The following MYL2 variants were observed in gnomAD, a reference collection of about 807,000 sequenced individuals.
MYL2 encodes myosin light chain 2.
MYL2 carries 19 observed loss-of-function variants against 23.0 expected under a neutral mutation model. That is an observed-to-expected ratio of 0.83 (90% CI 0.58 to 1.21). The LOEUF is 1.21. Among genes scored for constraint, MYL2 ranks in the 50% most tolerant of loss-of-function variants. MYL2 has a pLI of 0.00. For missense variants in MYL2, 180 were observed against 215.1 expected, an observed-to-expected ratio of 0.84 and a Z score of 1.02; for synonymous variants, 78 against 76.2, an observed-to-expected ratio of 1.02 and a Z score of -0.13.
intron 2 of MYL2, among the ~76,000 whole-genome samples, chr12:110,916,529 A>C (rs1331425629): frequency 2.0e-5 from 3 of 152,220 alleles, no homozygotes; most frequent in Non-Finnish European, 4.4e-5. Context: ...TACAACATGG[A>C]TGAGCCTTAA....
rs766036025 is a variant in MYL2, at chr12:110,911,124, A to G, written c.454T>C (p.Tyr152His). ...GTGATGATGTGCACCAGGTTCTTGTAGTCCAAGTTGCCAGTCACGTCAGGG... is the reference window on the plus strand; with the variant it reads ...GTGATGATGTGCACCAGGTTCTTGTGGTCCAAGTTGCCAGTCACGTCAGGG... The part of the protein sequence containing the change: ...FPPDVTGNLD[Y>H]KNLVHIITHG... Residue 152 changes from tyrosine (Y) to histidine (H), a missense_variant, in exon 7 of 7, where the codon TAC (tyrosine) becomes CAC (histidine). Coordinates refer to ENST00000228841, the MANE Select transcript of MYL2 (RefSeq NM_000432.4). 3 of 1,611,312 alleles carry G rather than the reference A, an allele frequency of 1.9e-6. No individual in the cohort carries two copies. In the South Asian group the frequency reaches 3.3e-5, roughly 18 times the overall value.
At chr12:110,912,052 A>T (rs915806542) in intron 6 of MYL2, among the ~76,000 whole-genome samples, 28 of 152,218 alleles carry the variant, frequency 1.8e-4, no homozygotes, top group African/African-American at 6.5e-4. Context: ...AGCACACAGC[A>T]GGTGGAAAGT....
chr12:110,915,454 T>C (rs997733555), intron 3 of MYL2, among the ~76,000 whole-genome samples: 3 of 152,188 alleles, frequency 2.0e-5, no homozygotes, highest in Non-Finnish European at 4.4e-5. Context: ...CTGCATTTTT[T>C]CCCCATTTTC....
Position 110,914,568 on chromosome 12 carries a change from G to A in MYL2, c.170-278C>T, listed in dbSNP as rs112008346. ...GGGTCTGGCTGTGTCACCCAGGCTGGAGTGTAGTGGTACAATCTCGACTCA... is the reference window on the plus strand; with the variant it reads ...GGGTCTGGCTGTGTCACCCAGGCTGAAGTGTAGTGGTACAATCTCGACTCA... On this transcript the variant is annotated intron_variant, in intron 3 of 6. Transcript: ENST00000228841. Among the ~76,000 whole-genome samples the A allele has an allele frequency of 6.2e-3, 949 of 152,260 alleles. 4 individuals carry two copies. The highest frequency in any genetic ancestry group is 9.7e-3 in the Non-Finnish European group (662 of 68,010).
chr12:110,915,212 G>A (rs543392116), intron 3 of MYL2, among the ~76,000 whole-genome samples: 50 of 152,326 alleles, frequency 3.3e-4, no homozygotes, highest in African/African-American at 1.2e-3. Context: ...GTAAGTGGTG[G>A]TGGCGGGTAG....
chr12:110,914,060 G>C, intron 4 of MYL2, 126 bp downstream of exon 4: 2 of 790,758 alleles, frequency 2.5e-6, no homozygotes, highest in Non-Finnish European at 4.3e-6. Flanking sequence ...GCCCAGCCAA[G>C]TTGCTGTTTT....
upstream of MYL2, chr12:110,920,843 C>A (rs2071719899): frequency 2.0e-6 from 1 of 512,040 alleles, no homozygotes; most frequent in Non-Finnish European, 3.5e-6. Context: ...GCCGGGGACA[C>A]TTGTGCTTGT....
rs112865045 is a variant in MYL2 at position 110,915,793 on chromosome 12, G to C, written c.94-3C>G. ...TTCTGGTCCATGATAGTGAAGGCCT[G>C]TGGAAGGGAAGTGATTGGCAGCTCA... On this transcript the variant is annotated splice_polypyrimidine_tract_variant and splice_region_variant and intron_variant, in intron 2 of 6. Transcript: ENST00000228841. 1 of 1,614,084 alleles carries C rather than the reference G, an allele frequency of 6.2e-7. No individual in the cohort carries two copies. Among genetic ancestry groups the C allele is most frequent in the African/African-American group, 1.3e-5 (1 of 75,066 alleles).
In MYL2 at chr12:110,913,150, GAGAA is replaced by G. The variant is rs2071665019; in HGVS notation, c.354-10_354-7del. ...TGGTCAGCATTTCCCGAACGCTGCA[GAGAA>G]AGGAAAGCAGGTGTTGGTGTCAGTT... On this transcript the variant is annotated splice_polypyrimidine_tract_variant and splice_region_variant and intron_variant, in intron 5 of 6. Coordinates refer to ENST00000228841, the MANE Select transcript of MYL2 (RefSeq NM_000432.4). 1 of 1,614,136 alleles carries G rather than the reference GAGAA, an allele frequency of 6.2e-7. No individual in the cohort carries two copies. The highest frequency in any genetic ancestry group is 8.5e-7 in the Non-Finnish European group (1 of 1,180,048).
At chr12:110,914,329 G>T (rs2071675329) in intron 3 of MYL2, 39 bp from the exon 4 acceptor site, 2 of 1,466,030 alleles carry the variant, frequency 1.4e-6, no homozygotes, top group Non-Finnish European at 1.9e-6. Context: ...TCCGAGCTGG[G>T]GAGAAAGAAC....
intron 4 of MYL2, 81 bp from the exon 5 acceptor site, chr12:110,913,405 C>G: frequency 6.8e-7 from 1 of 1,467,748 alleles, no homozygotes; most frequent in Non-Finnish European, 9.5e-7. Context: ...CCAAGTTCCC[C>G]CAGAGATGAA....
upstream of MYL2, chr12:110,920,775 GGCAGTA>G (rs1274326537): frequency 4.9e-5 from 30 of 608,282 alleles, no homozygotes; most frequent in Admixed American, 2.7e-5. Flanking sequence ...AGGTTAAAGA[GGCAGTA>G]GCTGGGTCAT....
Position 110,914,283 on chromosome 12 carries a change from C to T in MYL2, c.177G>A (p.Val59=). ...CATCAATTTCTTCATTTTTCACGTTCACTCGCCCTAGGGTAGGAAACACAC... is the reference window on the plus strand; with the variant it reads ...CATCAATTTCTTCATTTTTCACGTTTACTCGCCCTAGGGTAGGAAACACAC... ...LRDTFAALGR[V]NVKNEEIDEM... is the part of the protein sequence containing the mutation. Residue 59 remains valine (V), a synonymous_variant, in exon 4 of 7, where the codon GTG becomes GTA. Coordinates refer to ENST00000228841, the MANE Select transcript of MYL2 (RefSeq NM_000432.4). 1 of 1,613,740 alleles carries T rather than the reference C, an allele frequency of 6.2e-7. No homozygotes were observed. Among genetic ancestry groups the T allele is most frequent in the East Asian group, 2.2e-5 (1 of 44,882 alleles).
intron 1 of MYL2, 48 bp downstream of exon 1, chr12:110,920,479 T>G (rs1188499069): frequency 1.2e-6 from 2 of 1,613,834 alleles, no homozygotes; most frequent in Admixed American, 3.3e-5. Flanking sequence ...AGTGGCTTCC[T>G]CTCCTCGCCC....
chr12:110,912,727 G>A (rs3782890), intron 6 of MYL2, among the ~76,000 whole-genome samples: 11,021 of 152,198 alleles, frequency 0.072, 491 homozygotes, highest in East Asian at 0.21. Context: ...ACCATGCCCA[G>A]CTAATTTTTG....
At position 110,914,217 on chromosome 12, in the gene MYL2, C is replaced by A. The variant is rs368851472; in HGVS notation, c.243G>T (p.Val81=). ...KEAPGPINFT[V]FLTMFGEKLK... is the part of the protein sequence containing the mutation. Reference sequence around the variant, plus strand: ...GTTTCTCCCCAAACATTGTGAGGAACACAGTAAAGTTAATTGGACCCGGAG... The same window carrying A: ...GTTTCTCCCCAAACATTGTGAGGAAAACAGTAAAGTTAATTGGACCCGGAG... The change falls in exon 4 of 7, where the codon GTG becomes GTT. Residue 81 remains valine (V), a synonymous_variant. Coordinates refer to ENST00000228841, the MANE Select transcript of MYL2 (RefSeq NM_000432.4). 313 of 1,613,994 alleles carry A rather than the reference C, an allele frequency of 1.9e-4. No individual in the cohort carries two copies. In the South Asian group the frequency reaches 2.0e-3, roughly 10 times the overall value.
chr12:110,913,892 A>G (rs1321665421), intron 4 of MYL2, among the ~76,000 whole-genome samples: 1 of 152,094 alleles, frequency 6.6e-6, no homozygotes, highest in Non-Finnish European at 1.5e-5. Context: ...ACCTGGGACT[A>G]CAGGTGCACA....
Position 110,919,167 on chromosome 12 carries a change from G to A in MYL2, c.30C>T (p.Ala10=), listed in dbSNP as rs752641375. 8.1e-6 allele frequency: 13 copies of A among 1,613,532 alleles called. No homozygotes were observed. The highest frequency in any genetic ancestry group is 4.0e-5 in the African/African-American group (3 of 74,872). MAPKKAKKR[A]GGANSNVFSM... is the part of the protein sequence containing the mutation. ...AGAACACGTTGGAGTTGGCGCCCCC[G>A]GCTCTCTTCTTTGCTTTCTTAGGTG... The change falls in exon 2 of 7, where the codon GCC becomes GCT. Residue 10 remains alanine, a synonymous_variant. Transcript: ENST00000228841.
chr12:110,915,645 G>A, intron 3 of MYL2, 70 bp downstream of exon 3: 3 of 1,479,830 alleles, frequency 2.0e-6, no homozygotes, highest in Admixed American at 3.3e-5. Flanking sequence ...TTTTCTGATG[G>A]TCCCACCTCC....
Sources: gnomAD v4.1 joint callset for allele counts (sites outside exome capture counted in the v4.1 genomes callset) on GRCh38, gnomAD v4.1.1 for gene constraint, MANE v1.5 for transcripts, NCBI Gene and HGNC (gene_info 2026-07-23, HGNC 2026-07-21) for gene names.